NTNG1: variants seen among roughly 807,000 people sequenced by gnomAD.
NTNG1 encodes netrin-G1.
NTNG1 carries 16 observed loss-of-function variants against 54.0 expected under a neutral mutation model. The observed-to-expected ratio is 0.30, with a 90% CI of 0.20 to 0.45. The LOEUF (loss-of-function observed/expected upper bound fraction) is 0.45. Among genes scored for constraint, NTNG1 ranks in the 20% least tolerant of loss-of-function variants. The probability of loss-of-function intolerance (pLI) is 1.00; values close to 1 mark genes in which losing one functional copy is unlikely to be tolerated. For synonymous variants in NTNG1, 255 were observed against 263.1 expected, an observed-to-expected ratio of 0.97 and a Z score of 0.30; for missense variants, 530 against 678.7, an observed-to-expected ratio of 0.78 and a Z score of 2.43.
intron 2 of NTNG1, among the ~76,000 whole-genome samples, chr1:107,192,020 G>A (rs188132830): frequency 6.6e-6 from 1 of 152,254 alleles, no homozygotes; most frequent in African/African-American, 2.4e-5. Context: ...ACCTTGGGCA[G>A]TATGGCCATT....
chr1:107,406,110 C>T (rs970145068), intron 4 of NTNG1, among the ~76,000 whole-genome samples: 1 of 152,100 alleles, frequency 6.6e-6, no homozygotes, highest in East Asian at 1.9e-4. Flanking sequence ...TTTCTAATAA[C>T]TAAAATTAAG....
chr1:107,436,232 T>A (rs1348488417), intron 6 of NTNG1, among the ~76,000 whole-genome samples: 2 of 152,236 alleles, frequency 1.3e-5, no homozygotes, highest in Non-Finnish European at 2.9e-5. Context: ...TGCATTCATA[T>A]TGTACTTTTA....
At chr1:107,436,837 C>T in intron 7 of NTNG1, 38 bp downstream of exon 7, 1 of 1,604,168 alleles carries the variant, frequency 6.2e-7, no homozygotes, top group Non-Finnish European at 8.5e-7. Flanking sequence ...CCTGCTGCAG[C>T]ATGGCTGATT....
At chr1:107,431,816 A>T (rs1205199744) in intron 6 of NTNG1, among the ~76,000 whole-genome samples, 1 of 152,244 alleles carries the variant, frequency 6.6e-6, no homozygotes, top group South Asian at 2.1e-4. Flanking sequence ...AGGTAGCTAT[A>T]TAGGCACCCA....
chr1:107,243,931 A>C lies in NTNG1; in HGVS notation c.247-80351A>C, dbSNP rs572088649. Among the ~76,000 whole-genome samples the C allele has an allele frequency of 7.9e-5, 12 of 152,364 alleles. No individual in the cohort carries two copies. In the South Asian group the frequency reaches 2.5e-3, roughly 32 times the overall value. ...AACTAGGCATTTTGTCCAGTGAAGT[A>C]AAGTGGCTACAGAAAATGTTAGGAG... On this transcript the variant is annotated intron_variant, in intron 2 of 7. Transcript: ENST00000370068.
chr1:107,210,783 C>T (rs547553658), intron 2 of NTNG1, among the ~76,000 whole-genome samples: 1 of 152,220 alleles, frequency 6.6e-6, no homozygotes, highest in East Asian at 1.9e-4. Flanking sequence ...TTTCATTTGG[C>T]CTCCCTGTGC....
intron 5 of NTNG1, among the ~76,000 whole-genome samples, chr1:107,416,657 G>A (rs975705615): frequency 6.6e-6 from 1 of 151,902 alleles, no homozygotes; most frequent in East Asian, 1.9e-4. Flanking sequence ...AATTTATAGG[G>A]TTATTTTTCA....
chr1:107,433,585 A>G (rs1472964255), intron 6 of NTNG1, among the ~76,000 whole-genome samples: 1 of 152,138 alleles, frequency 6.6e-6, no homozygotes, highest in African/African-American at 2.4e-5. Context: ...TATTAGCTAG[A>G]TTGTTCCCTC....
At chr1:107,372,996 C>A (rs1671016859) in intron 3 of NTNG1, among the ~76,000 whole-genome samples, 1 of 152,008 alleles carries the variant, frequency 6.6e-6, no homozygotes, top group African/African-American at 2.4e-5. Flanking sequence ...TTTTTCTGCA[C>A]CCTTTTCGTG....
At chr1:107,452,486 C>A (rs900395846) in intron 7 of NTNG1, among the ~76,000 whole-genome samples, 1 of 152,054 alleles carries the variant, frequency 6.6e-6, no homozygotes, top group African/African-American at 2.4e-5. Flanking sequence ...AAATTTGATC[C>A]CCACTGTGGT....
intron 2 of NTNG1, among the ~76,000 whole-genome samples, chr1:107,209,844 A>G (rs1659483452): frequency 1.3e-5 from 2 of 152,108 alleles, no homozygotes; most frequent in Admixed American, 6.5e-5. Flanking sequence ...AGATCAGGCC[A>G]TGCCTGAAGT....
At chr1:107,202,240 C>A (rs1658812267) in intron 2 of NTNG1, among the ~76,000 whole-genome samples, 2 of 151,770 alleles carry the variant, frequency 1.3e-5, no homozygotes, top group South Asian at 4.1e-4. Flanking sequence ...CTGACTTGTA[C>A]TTTTTCCTAT....
intron 3 of NTNG1, among the ~76,000 whole-genome samples, chr1:107,378,845 A>G (rs1206206718): frequency 6.6e-6 from 1 of 152,138 alleles, no homozygotes; most frequent in African/African-American, 2.4e-5. Flanking sequence ...CCTGACACCA[A>G]TCAATGGTGA....
chr1:107,480,588 C>CCCACAA, intron 7 of NTNG1, 23 bp from the exon 8 acceptor site: 2 of 1,119,756 alleles, frequency 1.8e-6, no homozygotes, highest in Non-Finnish European at 2.6e-6. Context: ...CCACCCACCC[C>CCCACAA]TACCTTCCCC....
chr1:107,207,618 T>A (rs1360381938), intron 2 of NTNG1, among the ~76,000 whole-genome samples: 2 of 152,118 alleles, frequency 1.3e-5, no homozygotes, highest in Admixed American at 1.3e-4. Context: ...GTATAAAGGG[T>A]GGCTGTTGTT....
intron 2 of NTNG1, among the ~76,000 whole-genome samples, chr1:107,308,299 T>G (rs949344749): frequency 1.3e-5 from 2 of 152,216 alleles, no homozygotes; most frequent in African/African-American, 4.8e-5. Context: ...TACATTTAAG[T>G]CTTTAATCCA....
chr1:107,305,645 T>C (rs1430686082), intron 2 of NTNG1, among the ~76,000 whole-genome samples: 1 of 152,138 alleles, frequency 6.6e-6, no homozygotes, highest in East Asian at 1.9e-4. Flanking sequence ...AGCTCTTTAA[T>C]AGATGGATAG....
intron 2 of NTNG1, among the ~76,000 whole-genome samples, chr1:107,218,898 C>T (rs1660148123): frequency 6.6e-6 from 1 of 152,090 alleles, no homozygotes. Context: ...GATCTTTTTG[C>T]AATGAATTTC....
At chr1:107,443,703 C>T (rs1007372594) in intron 7 of NTNG1, among the ~76,000 whole-genome samples, 20 of 152,118 alleles carry the variant, frequency 1.3e-4, no homozygotes, top group Non-Finnish European at 2.6e-4. Flanking sequence ...TCTGTAGTTG[C>T]TAAACATATG....
Sources: allele counts gnomAD v4.1 joint callset (sites outside exome capture counted in the v4.1 genomes callset), GRCh38; gene constraint gnomAD v4.1.1; transcripts MANE v1.5; gene names NCBI Gene and HGNC (gene_info 2026-07-23, HGNC 2026-07-21).